STPG2: variants seen among roughly 807,000 people sequenced by gnomAD.
The protein encoded by STPG2 is sperm tail PG-rich repeat containing 2, also known as sperm-tail PG-rich repeat-containing protein 2.
STPG2 carries 56 observed loss-of-function variants against 54.2 expected under a neutral mutation model. That is an observed-to-expected ratio of 1.03 (90% CI 0.83 to 1.29). STPG2 has a LOEUF of 1.29. STPG2 is among the 50% of genes most tolerant of loss of function. The pLI is 0.00. For synonymous variants in STPG2, 200 were observed against 181.8 expected (o/e 1.10, Z -0.81); for missense variants, 596 against 544.9 (o/e 1.09, Z -0.93).
intron 10 of STPG2, among the ~76,000 whole-genome samples, chr4:97,649,346 ACT>A (rs1303677445): frequency 2.0e-5 from 3 of 151,832 alleles, no homozygotes; most frequent in African/African-American, 4.8e-5. Context: ...ATTCTTTAAC[ACT>A]CTGCTTTCTG....
At chr4:97,562,847 T>A (rs910408272) in intron 10 of STPG2, among the ~76,000 whole-genome samples, 1 of 152,212 alleles carries the variant, frequency 6.6e-6, no homozygotes, top group African/African-American at 2.4e-5. Flanking sequence ...GGTTTGCCAA[T>A]ATTTTATCGA....
chr4:97,827,932 G>T (rs2149109551), intron 9 of STPG2, among the ~76,000 whole-genome samples: 1 of 152,100 alleles, frequency 6.6e-6, no homozygotes, highest in Non-Finnish European at 1.5e-5. Context: ...GACCTCAAGA[G>T]GAGAGGAATT....
At chr4:98,065,531 A>T (rs1305268330) in intron 5 of STPG2, among the ~76,000 whole-genome samples, 1 of 152,232 alleles carries the variant, frequency 6.6e-6, no homozygotes, top group Non-Finnish European at 1.5e-5. Context: ...TGTATATTAG[A>T]GTTTAATACA....
Position 97,780,079 on chromosome 4 carries a change from A to G in STPG2, c.1204+60694T>C, listed in dbSNP as rs541560421. Among the ~76,000 whole-genome samples the G allele has an allele frequency of 5.8e-3, 809 of 138,356 alleles. 6 individuals carry two copies. Among genetic ancestry groups the G allele is most frequent in the Non-Finnish European group, 9.7e-3 (622 of 63,938 alleles). The allele number at this position is 138,356 out of a possible 152,430, so 90.8% of individuals were successfully genotyped here. Reference sequence around the variant, plus strand: ...TGACAGGATCAAATTCACACATAACAATATTAACCTTAAATGTAAATGGGC... The same window carrying G: ...TGACAGGATCAAATTCACACATAACGATATTAACCTTAAATGTAAATGGGC... On this transcript the variant is annotated intron_variant, in intron 9 of 10. Coordinates refer to ENST00000295268, the MANE Select transcript of STPG2 (RefSeq NM_174952.3).
chr4:98,128,584 T>C lies in STPG2; in HGVS notation c.231A>G (p.Ser77=). 6.3e-7 allele frequency: 1 copy of C among 1,581,310 alleles called. No homozygotes were observed. Among genetic ancestry groups the C allele is most frequent in the Non-Finnish European group, 8.6e-7 (1 of 1,167,316 alleles). ...CACTTCTGGTAAGTGTAGGTGATCT[T>C]GAAATTTTCTGCAAGGAAAACATTT... ...HYNVSEAQKI[S]RSPTLTRSVD... is the part of the protein sequence containing the mutation. The change falls in exon 3 of 11, where the codon TCA becomes TCG. Residue 77 remains serine, a synonymous_variant. Transcript: ENST00000295268.
chr4:98,024,647 C>G (rs1457762445), intron 5 of STPG2, among the ~76,000 whole-genome samples: 1 of 152,136 alleles, frequency 6.6e-6, no homozygotes, highest in Non-Finnish European at 1.5e-5. Context: ...CATTTTTGTA[C>G]AGATATTTGA....
At chr4:97,635,989 A>C (rs902418881) in intron 10 of STPG2, among the ~76,000 whole-genome samples, 69 of 152,276 alleles carry the variant, frequency 4.5e-4, no homozygotes, top group Non-Finnish European at 9.7e-4. Context: ...CACCAAGTGG[A>C]CCTAATAGAC....
At chr4:97,543,718 T>A (rs1156632832) in intron 4 of STPG2, among the ~76,000 whole-genome samples, 1 of 152,070 alleles carries the variant, frequency 6.6e-6, no homozygotes, top group South Asian at 2.1e-4. Flanking sequence ...ACATTAAGAT[T>A]TACATAATTT....
chr4:97,901,393 A>G (rs1417734765), intron 8 of STPG2, among the ~76,000 whole-genome samples: 1 of 151,956 alleles, frequency 6.6e-6, no homozygotes, highest in Non-Finnish European at 1.5e-5. Flanking sequence ...AAGAAGCAAA[A>G]TTGTTTCTGT....
At chr4:97,944,342 T>A (rs1440175762) in intron 7 of STPG2, among the ~76,000 whole-genome samples, 1 of 151,860 alleles carries the variant, frequency 6.6e-6, no homozygotes, top group Non-Finnish European at 1.5e-5. Context: ...GCCAATTATA[T>A]AGTATTATTT....
intron 8 of STPG2, among the ~76,000 whole-genome samples, chr4:97,931,456 T>G (rs904761344): frequency 6.6e-6 from 1 of 152,184 alleles, no homozygotes; most frequent in Non-Finnish European, 1.5e-5. Flanking sequence ...GGTTTTTGTC[T>G]CTAGTTTGGC....
intron 3 of STPG2, among the ~76,000 whole-genome samples, chr4:98,115,875 G>A (rs1326681186): frequency 6.6e-6 from 1 of 151,782 alleles, no homozygotes; most frequent in Non-Finnish European, 1.5e-5. Context: ...TACAAGATGA[G>A]GATTTCAAAA....
chr4:97,658,713 T>C (rs896088925), intron 10 of STPG2, among the ~76,000 whole-genome samples: 1 of 152,224 alleles, frequency 6.6e-6, no homozygotes, highest in Non-Finnish European at 1.5e-5. Flanking sequence ...AAGGAGTACT[T>C]GATTTGTGTA....
At chr4:97,971,802 AAAAATAAACAAAAT>A (rs1431984885) in intron 7 of STPG2, among the ~76,000 whole-genome samples, 3 of 152,324 alleles carry the variant, frequency 2.0e-5, no homozygotes, top group Non-Finnish European at 2.9e-5. Context: ...TATAATGAAA[AAAAATAAACAAAAT>A]AAAATAAAAT....
intron 10 of STPG2, among the ~76,000 whole-genome samples, chr4:97,682,593 C>T (rs1305662546): frequency 1.3e-5 from 2 of 151,740 alleles, no homozygotes; most frequent in Non-Finnish European, 3.0e-5. Flanking sequence ...ATAATAGTAA[C>T]AGCTAACATT....
intron 4 of STPG2, among the ~76,000 whole-genome samples, chr4:97,455,328 T>C (rs2148802289): frequency 6.6e-6 from 1 of 152,176 alleles, no homozygotes; most frequent in East Asian, 1.9e-4. Context: ...GTCCAAATGT[T>C]GCATTTCCCG....
At chr4:97,634,744 T>A (rs547508570) in intron 10 of STPG2, among the ~76,000 whole-genome samples, 9 of 151,794 alleles carry the variant, frequency 5.9e-5, no homozygotes, top group South Asian at 4.2e-4. Context: ...GTATCAGCAA[T>A]GGAAGATGAA....
intron 9 of STPG2, among the ~76,000 whole-genome samples, chr4:97,805,613 T>C (rs1246458392): frequency 6.6e-6 from 1 of 152,160 alleles, no homozygotes; most frequent in Non-Finnish European, 1.5e-5. Context: ...AAGAATGGGG[T>C]TATTCCTTTC....
At chr4:97,476,751 T>A (rs1730082056) in intron 4 of STPG2, among the ~76,000 whole-genome samples, 1 of 152,344 alleles carries the variant, frequency 6.6e-6, no homozygotes, top group South Asian at 2.1e-4. Context: ...TTTTGCAGCA[T>A]CCTTTAAAAT....
Sources: allele counts gnomAD v4.1 joint callset (sites outside exome capture counted in the v4.1 genomes callset), GRCh38; gene constraint gnomAD v4.1.1; transcripts MANE v1.5; gene names NCBI Gene and HGNC (gene_info 2026-07-23, HGNC 2026-07-21).